SPAG16: variants seen among roughly 807,000 people sequenced by gnomAD.
The protein encoded by SPAG16 is sperm associated antigen 16, also known as sperm-associated antigen 16 protein.
SPAG16 carries 86 observed loss-of-function variants against 80.4 expected under a neutral mutation model. The ratio of observed to expected loss-of-function variants is 1.07; its 90% confidence interval spans 0.90 to 1.28. The LOEUF (loss-of-function observed/expected upper bound fraction) is 1.28. Ranked by LOEUF, SPAG16 falls within the 50% of genes most tolerant of loss-of-function variation. The probability of loss-of-function intolerance (pLI) is 0.00; values close to 1 mark genes in which losing one functional copy is unlikely to be tolerated. For synonymous variants in SPAG16, 294 were observed against 265.9 expected (o/e 1.11, Z -1.03); for missense variants, 870 against 765.3 (o/e 1.14, Z -1.61).
chr2:213,455,124 G>A (rs543638975), intron 9 of SPAG16, among the ~76,000 whole-genome samples: 1 of 152,272 alleles, frequency 6.6e-6, no homozygotes, highest in South Asian at 2.1e-4. Context: ...TTTGTTCAGA[G>A]TTTGACTTTT....
intron 5 of SPAG16, among the ~76,000 whole-genome samples, chr2:213,338,270 G>C (rs1429262701): frequency 1.3e-5 from 2 of 152,144 alleles, no homozygotes; most frequent in Admixed American, 1.3e-4. Flanking sequence ...ACACACTGAA[G>C]TACACAGACC....
intron 10 of SPAG16, among the ~76,000 whole-genome samples, chr2:213,756,596 A>G (rs2068347280): frequency 6.6e-6 from 1 of 152,238 alleles, no homozygotes; most frequent in Non-Finnish European, 1.5e-5. Flanking sequence ...TTGCTTGTCT[A>G]TAGCCACTGC....
At chr2:213,962,025 G>A (rs1365176864) in intron 12 of SPAG16, among the ~76,000 whole-genome samples, 3 of 152,036 alleles carry the variant, frequency 2.0e-5, no homozygotes, top group Non-Finnish European at 4.4e-5. Flanking sequence ...TTTTCTTTGT[G>A]TAGGGTTTTT....
chr2:214,282,499 TAC>T (rs1448779115), intron 15 of SPAG16, among the ~76,000 whole-genome samples: 1 of 152,196 alleles, frequency 6.6e-6, no homozygotes, highest in East Asian at 1.9e-4. Flanking sequence ...TTCTTCTAAA[TAC>T]AGAGGAAGCT....
intron 10 of SPAG16, among the ~76,000 whole-genome samples, chr2:213,536,159 T>C (rs2076238642): frequency 6.6e-6 from 1 of 152,180 alleles, no homozygotes; most frequent in South Asian, 2.1e-4. Context: ...TTCAAGAGGA[T>C]GTTGATTTTT....
At chr2:213,949,458 C>T (rs1207456869) in intron 12 of SPAG16, among the ~76,000 whole-genome samples, 1 of 152,080 alleles carries the variant, frequency 6.6e-6, no homozygotes, top group Admixed American at 6.5e-5. Flanking sequence ...TGAGCCACCG[C>T]GCTCGGCCTA....
At chr2:213,407,784 G>A (rs1028790613) in intron 9 of SPAG16, among the ~76,000 whole-genome samples, 4 of 136,450 alleles carry the variant, frequency 2.9e-5, no homozygotes, top group Admixed American at 2.9e-4. Flanking sequence ...GAGAGACAGA[G>A]AGGAAGAGAG....
rs903673721 is a variant in SPAG16 at position 213,284,488 on chromosome 2, C to G, written c.5C>G (p.Ala2Gly). Residue 2 changes from alanine to glycine, a missense_variant, in exon 1 of 16, where the codon GCT becomes GGT. By Grantham distance (60) the Ala-to-Gly change is moderately conservative (BLOSUM62 0). Transcript: ENST00000331683. ...TGGGGGCCCGAAGCGCCAGAGATGG[C>G]TGCTCAGCGAGGGATGCCCAGCTCC... Reference protein sequence around the residue: MAAQRGMPSSAV... With the variant: MGAQRGMPSSAV... 1 of 1,567,526 alleles carries G rather than the reference C, an allele frequency of 6.4e-7. No homozygotes were observed. The highest frequency in any genetic ancestry group is 1.9e-5 in the Admixed American group (1 of 52,782).
intron 15 of SPAG16, among the ~76,000 whole-genome samples, chr2:214,399,131 C>A (rs1331379362): frequency 6.6e-6 from 1 of 152,080 alleles, no homozygotes; most frequent in African/African-American, 2.4e-5. Flanking sequence ...AAATTCAGAG[C>A]TAATCTATGA....
intron 12 of SPAG16, among the ~76,000 whole-genome samples, chr2:213,932,344 T>C (rs1025776400): frequency 1.3e-5 from 2 of 151,470 alleles, no homozygotes; most frequent in African/African-American, 4.9e-5. Context: ...GCCTCCCGAG[T>C]AGCTGGGACT....
chr2:213,633,366 A>G (rs1200987537), intron 10 of SPAG16, among the ~76,000 whole-genome samples: 1 of 152,094 alleles, frequency 6.6e-6, no homozygotes, highest in African/African-American at 2.4e-5. Context: ...TTCTAGTTTC[A>G]TACCATTGTG....
chr2:213,437,266 A>G (rs925419210), intron 9 of SPAG16, among the ~76,000 whole-genome samples: 1 of 152,210 alleles, frequency 6.6e-6, no homozygotes, highest in Admixed American at 6.5e-5. Context: ...CACATTGCCC[A>G]TGCCTTATCT....
chr2:214,193,861 A>G (rs965134664), intron 15 of SPAG16, among the ~76,000 whole-genome samples: 4 of 152,214 alleles, frequency 2.6e-5, no homozygotes, highest in Non-Finnish European at 5.9e-5. Context: ...AACATTCAAC[A>G]CTAAGTATCA....
chr2:214,274,390 A>T (rs938886761), intron 15 of SPAG16, among the ~76,000 whole-genome samples: 2 of 152,156 alleles, frequency 1.3e-5, no homozygotes, highest in Non-Finnish European at 2.9e-5. Context: ...AGAGGGAATG[A>T]TTCCAGTTTT....
intron 15 of SPAG16, among the ~76,000 whole-genome samples, chr2:214,158,605 T>C (rs910645913): frequency 6.6e-6 from 1 of 152,036 alleles, no homozygotes; most frequent in African/African-American, 2.4e-5. Context: ...AAAATAACTT[T>C]ACAAATTGCA....
At chr2:213,961,230 A>G (rs2044400254) in intron 12 of SPAG16, among the ~76,000 whole-genome samples, 2 of 152,084 alleles carry the variant, frequency 1.3e-5, no homozygotes, top group Non-Finnish European at 2.9e-5. Context: ...TTTTCTCTCC[A>G]ATTGATATTT....
intron 13 of SPAG16, among the ~76,000 whole-genome samples, chr2:214,032,768 T>C (rs1205409202): frequency 6.6e-6 from 1 of 152,176 alleles, no homozygotes; most frequent in Non-Finnish European, 1.5e-5. Context: ...TTGATGTAGA[T>C]TTACTTTGGA....
chr2:213,930,075 T>A lies in SPAG16; in HGVS notation c.1330T>A (p.Trp444Arg), dbSNP rs1216911149. ...GHSRAVWSCTWHSCGNFVASS... is the reference protein window; with the variant it reads ...GHSRAVWSCTRHSCGNFVASS... ...CAGCCGCGCAGTGTGGTCCTGCACA[T>A]GGCACTCCTGCGGCAATTTTGTGGC... Residue 444 changes from tryptophan (W) to arginine (R), a missense_variant, in exon 12 of 16, where the codon TGG becomes AGG. Coordinates refer to ENST00000331683, the MANE Select transcript of SPAG16 (RefSeq NM_024532.5). 6.2e-7 allele frequency: 1 copy of A among 1,614,132 alleles called. No individual in the cohort carries two copies. The highest frequency in any genetic ancestry group is 8.5e-7 in the Non-Finnish European group (1 of 1,179,978).
intron 9 of SPAG16, among the ~76,000 whole-genome samples, chr2:213,392,978 A>C (rs2067841336): frequency 6.6e-6 from 1 of 152,154 alleles, no homozygotes; most frequent in Admixed American, 6.6e-5. Context: ...AATTAAGCCA[A>C]CATATTTATA....
Sources: gnomAD v4.1 joint callset for allele counts (sites outside exome capture counted in the v4.1 genomes callset) on GRCh38, gnomAD v4.1.1 for gene constraint, MANE v1.5 for transcripts, NCBI Gene and HGNC (gene_info 2026-07-23, HGNC 2026-07-21) for gene names.